Variants in UACA observed in about 807,000 individuals in gnomAD.
UACA encodes the protein uveal autoantigen with coiled-coil domains and ankyrin repeats.
Under a neutral mutation model 160.5 loss-of-function variants are expected in UACA, and 112 were observed. The observed-to-expected ratio is 0.70, with a 90% CI of 0.60 to 0.82. The LOEUF (loss-of-function observed/expected upper bound fraction) is 0.82. Ranked by LOEUF, UACA falls within the 40% of genes least tolerant of loss-of-function variation. The pLI is 0.00. For missense variants in UACA, 1,574 were observed against 1,614.6 expected (o/e 0.97, Z 0.43); for synonymous variants, 557 against 568.4 (o/e 0.98, Z 0.29).
chr15:70,694,995 T>C (rs769880958), intron 3 of UACA, 22 bp downstream of exon 3: 1 of 1,568,622 alleles, frequency 6.4e-7, no homozygotes, highest in Non-Finnish European at 8.7e-7. Context: ...TGTTTTATAA[T>C]TAACTATGGA....
At chr15:70,741,609 A>G (rs543643569) in intron 1 of UACA, among the ~76,000 whole-genome samples, 1 of 152,346 alleles carries the variant, frequency 6.6e-6, no homozygotes, top group South Asian at 2.1e-4. Context: ...TCACAATTTC[A>G]ATGAAAATGT....
chr15:70,713,102 T>C (rs1259933478), intron 1 of UACA, among the ~76,000 whole-genome samples: 1 of 152,076 alleles, frequency 6.6e-6, no homozygotes, highest in Non-Finnish European at 1.5e-5. Flanking sequence ...CCCAGCACTT[T>C]GGGAGGCCGA....
intron 18 of UACA, among the ~76,000 whole-genome samples, chr15:70,659,395 G>GTTTGTTTTTTTTTTTTT (rs1896607026): frequency 1.1e-4 from 2 of 18,818 alleles, no homozygotes; most frequent in African/African-American, 1.8e-4. Flanking sequence ...TTTTTTGTTT[G>GTTTGTTTTTTTTTTTTT]TTTTTTTTTT....
chr15:70,721,575 C>A (rs181074490), intron 1 of UACA, among the ~76,000 whole-genome samples: 1 of 150,998 alleles, frequency 6.6e-6, no homozygotes, highest in African/African-American at 2.4e-5. Context: ...TGCAGTGAGC[C>A]GAGATCACGC....
At chr15:70,771,536 G>A in the UACA span, among the ~76,000 whole-genome samples, 1 of 152,162 alleles carries the variant, frequency 6.6e-6, no homozygotes, top group East Asian at 1.9e-4. Context: ...GCAAGTATTG[G>A]TTTTCAGATG....
Position 70,750,038 on chromosome 15 carries a change from G to A in UACA, c.78+13292C>T, listed in dbSNP as rs150383905. On this transcript the variant is annotated intron_variant, in intron 1 of 18. Coordinates refer to ENST00000322954, the MANE Select transcript of UACA (RefSeq NM_018003.4). ...GCTAGCAGGCTGGGTTTCTGACCAC[G>A]TGTCTGTTGACTGTGACTTTGGTAA... Among the ~76,000 whole-genome samples, 13 of 152,254 alleles carry A rather than the reference G, an allele frequency of 8.5e-5. 1 individual carries two copies. Among genetic ancestry groups the A allele is most frequent in the South Asian group, 8.3e-4 (4 of 4,822 alleles).
At chr15:70,778,230 AC>A in the UACA span, among the ~76,000 whole-genome samples, 2 of 152,280 alleles carry the variant, frequency 1.3e-5, no homozygotes, top group Admixed American at 6.5e-5. Context: ...GAGAACAGGA[AC>A]CTTTTTTTAC....
At chr15:70,775,817 G>A in the UACA span, among the ~76,000 whole-genome samples, 2 of 152,158 alleles carry the variant, frequency 1.3e-5, no homozygotes, top group African/African-American at 4.8e-5. Context: ...TGAGAAGTTG[G>A]TATTGATTTA....
the UACA span, among the ~76,000 whole-genome samples, chr15:70,773,403 A>G: frequency 6.6e-6 from 1 of 152,216 alleles, no homozygotes; most frequent in Non-Finnish European, 1.5e-5. Flanking sequence ...GGATAATGAC[A>G]AGACATCAGT....
chr15:70,669,983 T>C (rs1449228943), intron 15 of UACA, among the ~76,000 whole-genome samples: 2 of 152,132 alleles, frequency 1.3e-5, no homozygotes, highest in African/African-American at 4.8e-5. Flanking sequence ...TCACTGTTAA[T>C]CCAACAGAAT....
At chr15:70,683,841 T>TA (rs869093460) in intron 8 of UACA, among the ~76,000 whole-genome samples, 31 of 151,240 alleles carry the variant, frequency 2.0e-4, no homozygotes, top group South Asian at 6.3e-4. Context: ...CTGTTTTTTT[T>TA]AAAAAAAACA....
chr15:70,694,915 C>T (rs1898073312), intron 3 of UACA, 102 bp downstream of exon 3: 4 of 945,268 alleles, frequency 4.2e-6, no homozygotes, highest in East Asian at 2.7e-5. Flanking sequence ...AAATTGAGGA[C>T]ATCTCTCTTT....
upstream of UACA, chr15:70,768,130 C>A (rs893820902): frequency 6.6e-6 from 1 of 152,230 alleles, no homozygotes; most frequent in African/African-American, 2.4e-5. Context: ...CATAGACCCT[C>A]ATGTAAGTTT....
intron 1 of UACA, among the ~76,000 whole-genome samples, chr15:70,717,058 T>A (rs1408746974): frequency 5.3e-5 from 8 of 151,996 alleles, no homozygotes; most frequent in Admixed American, 5.2e-4. Flanking sequence ...CCCGTCTCTA[T>A]CAAAAATACA....
chr15:70,686,484 C>CTTTTTTTT (rs59586401), intron 7 of UACA, among the ~76,000 whole-genome samples: 84 of 104,662 alleles, frequency 8.0e-4, no homozygotes, highest in East Asian at 1.5e-3. Flanking sequence ...AGCCAGGGTT[C>CTTTTTTTT]TTTTTTTTTT....
Position 70,763,437 on chromosome 15 carries a change from C to A in UACA, c.-30G>T. On this transcript the variant is annotated 5_prime_UTR_variant, in exon 1 of 19. Transcript: ENST00000322954. ...AACTCTTGCCTGGCCCCCGCGCGAACCTTAAAGGCTGCGGAGTGCCAGCGC... is the reference window on the plus strand; with the variant it reads ...AACTCTTGCCTGGCCCCCGCGCGAAACTTAAAGGCTGCGGAGTGCCAGCGC... The A allele has an allele frequency of 7.8e-7, 1 of 1,287,696 alleles. No individual in the cohort carries two copies. Among genetic ancestry groups the A allele is most frequent in the East Asian group, 3.2e-5 (1 of 31,696 alleles). The allele number at this position is 1,287,696 out of a possible 1,614,324, so 79.8% of individuals were successfully genotyped here.
At chr15:70,757,088 T>C (rs1305769049) in intron 1 of UACA, among the ~76,000 whole-genome samples, 1 of 152,222 alleles carries the variant, frequency 6.6e-6, no homozygotes, top group Admixed American at 6.5e-5. Flanking sequence ...TTTAATCTCT[T>C]AAATCTCTTG....
At chr15:70,666,663 T>C (rs1343108512) in intron 16 of UACA, 61 bp downstream of exon 16, 4 of 1,328,248 alleles carry the variant, frequency 3.0e-6, no homozygotes, top group Non-Finnish European at 4.0e-6. Flanking sequence ...TGAGATTCTG[T>C]GGTAAAGAGC....
At chr15:70,701,866 G>T in intron 1 of UACA, 1 of 1,609,844 alleles carries the variant, frequency 6.2e-7, no homozygotes, top group Non-Finnish European at 8.5e-7. Flanking sequence ...CTAGACTACT[G>T]GGATACCTAC....
Sources: gnomAD v4.1 joint callset for allele counts (sites outside exome capture counted in the v4.1 genomes callset) on GRCh38, gnomAD v4.1.1 for gene constraint, MANE v1.5 for transcripts, NCBI Gene and HGNC (gene_info 2026-07-23, HGNC 2026-07-21) for gene names.